The following ITGBL1 variants were observed in gnomAD, a reference collection of about 807,000 sequenced individuals.
The protein encoded by ITGBL1 is integrin beta-like protein 1.
A neutral mutation model predicts 68.5 loss-of-function variants in ITGBL1; 51 were observed. That is an observed-to-expected ratio of 0.74 (90% CI 0.59 to 0.94). The LOEUF (loss-of-function observed/expected upper bound fraction) is 0.94. Among genes scored for constraint, ITGBL1 ranks in the 40% least tolerant of loss-of-function variants. The probability of loss-of-function intolerance (pLI) is 0.00; values close to 1 mark genes in which losing one functional copy is unlikely to be tolerated. For synonymous variants in ITGBL1, 209 were observed against 227.3 expected (o/e 0.92, Z 0.72); for missense variants, 649 against 647.4 (o/e 1.00, Z -0.03).
chr13:101,695,663 A>G (rs1238847145), intron 8 of ITGBL1, among the ~76,000 whole-genome samples: 2 of 152,144 alleles, frequency 1.3e-5, no homozygotes, highest in South Asian at 2.1e-4. Flanking sequence ...GTAAAGGTGG[A>G]GGATCTTGAA....
At chr13:101,507,004 G>A (rs913845403) in intron 2 of ITGBL1, among the ~76,000 whole-genome samples, 3 of 152,144 alleles carry the variant, frequency 2.0e-5, no homozygotes, top group African/African-American at 4.8e-5. Context: ...AACTGCTGGG[G>A]TGGAGGAAGA....
intron 2 of ITGBL1, among the ~76,000 whole-genome samples, chr13:101,525,376 A>G (rs553657010): frequency 1.3e-5 from 2 of 152,088 alleles, no homozygotes; most frequent in African/African-American, 2.4e-5. Flanking sequence ...TTTATTATGG[A>G]AAAATAAGAG....
intron 6 of ITGBL1, among the ~76,000 whole-genome samples, chr13:101,594,182 T>C (rs1454073521): frequency 6.6e-6 from 1 of 152,132 alleles, no homozygotes; most frequent in Non-Finnish European, 1.5e-5. Flanking sequence ...TTTCAAATTA[T>C]ATTACAAAAC....
intron 2 of ITGBL1, among the ~76,000 whole-genome samples, chr13:101,539,816 T>C (rs2049656153): frequency 6.6e-6 from 1 of 152,128 alleles, no homozygotes; most frequent in Non-Finnish European, 1.5e-5. Flanking sequence ...TGATGAGCAT[T>C]TTTTCATGTG....
chr13:101,640,497 C>T (rs1441443942), intron 7 of ITGBL1, among the ~76,000 whole-genome samples: 1 of 152,106 alleles, frequency 6.6e-6, no homozygotes, highest in East Asian at 1.9e-4. Context: ...TGAAATCTCA[C>T]CGTATATTTT....
intron 2 of ITGBL1, among the ~76,000 whole-genome samples, chr13:101,480,665 A>G (rs535804959): frequency 6.6e-6 from 1 of 152,188 alleles, no homozygotes; most frequent in Non-Finnish European, 1.5e-5. Context: ...ATGTACCCAT[A>G]AAAAGTAAGA....
intron 7 of ITGBL1, among the ~76,000 whole-genome samples, chr13:101,653,347 T>C (rs2139458568): frequency 6.6e-6 from 1 of 152,244 alleles, no homozygotes; most frequent in Admixed American, 6.5e-5. Flanking sequence ...AGGTGAATAT[T>C]GGGATATCAC....
At position 101,715,726 on chromosome 13, in the gene ITGBL1, T is replaced by C; in HGVS notation, c.*72T>C. On this transcript the variant is annotated 3_prime_UTR_variant, in exon 11 of 11. Coordinates refer to ENST00000376180, the MANE Select transcript of ITGBL1 (RefSeq NM_004791.3). ...GAACAGATAAATGCGAAGGAAACCA[T>C]GTATATTCACCACTAGGACAGGTTA... is the stretch of plus-strand genomic sequence containing the variant. 1.0e-6 allele frequency: 1 copy of C among 964,478 alleles called. No homozygotes were observed. The highest frequency in any genetic ancestry group is 1.3e-5 in the South Asian group (1 of 77,402). The allele number at this position is 964,478 out of a possible 1,614,324, so 59.7% of individuals were successfully genotyped here.
At chr13:101,581,820 A>C (rs1228102654) in intron 5 of ITGBL1, among the ~76,000 whole-genome samples, 2 of 152,212 alleles carry the variant, frequency 1.3e-5, no homozygotes, top group African/African-American at 4.8e-5. Flanking sequence ...GAATAATAAC[A>C]CAGATATAAA....
chr13:101,718,879 C>T (rs936332771), downstream of ITGBL1: 4 of 151,922 alleles, frequency 2.6e-5, no homozygotes, highest in Non-Finnish European at 5.9e-5. Flanking sequence ...GTCAACAGGC[C>T]CTATGTCACA....
intron 2 of ITGBL1, among the ~76,000 whole-genome samples, chr13:101,562,814 C>A (rs930491188): frequency 2.4e-4 from 37 of 151,796 alleles, no homozygotes; most frequent in African/African-American, 8.7e-4. Context: ...CCAGCTTGAC[C>A]AAATTGACAT....
chr13:101,684,521 G>A (rs1338427203), intron 7 of ITGBL1, among the ~76,000 whole-genome samples: 1 of 151,872 alleles, frequency 6.6e-6, no homozygotes, highest in African/African-American at 2.4e-5. Context: ...ATTTGTCTAT[G>A]CTGCATATAC....
At chr13:101,469,630 C>T (rs911079835) in intron 2 of ITGBL1, among the ~76,000 whole-genome samples, 42 of 152,060 alleles carry the variant, frequency 2.8e-4, no homozygotes, top group African/African-American at 9.4e-4. Context: ...TTGCAGTGAG[C>T]TGAGATCACA....
intron 2 of ITGBL1, among the ~76,000 whole-genome samples, chr13:101,547,759 A>G (rs1025855193): frequency 4.0e-5 from 6 of 151,772 alleles, no homozygotes; most frequent in African/African-American, 1.4e-4. Context: ...ATAGATCTGC[A>G]TTTACCCGGA....
chr13:101,492,528 A>G (rs1311029681), intron 2 of ITGBL1, among the ~76,000 whole-genome samples: 4 of 152,184 alleles, frequency 2.6e-5, no homozygotes, highest in African/African-American at 9.7e-5. Context: ...CAGCTTCTGT[A>G]CAGCTGGAAC....
At chr13:101,707,491 C>T (rs933667171) in intron 9 of ITGBL1, among the ~76,000 whole-genome samples, 1 of 152,102 alleles carries the variant, frequency 6.6e-6, no homozygotes, top group African/African-American at 2.4e-5. Flanking sequence ...ATTTTCTTTG[C>T]CCTAAAAATC....
At chr13:101,666,713 T>C (rs2033227720) in intron 7 of ITGBL1, among the ~76,000 whole-genome samples, 1 of 152,162 alleles carries the variant, frequency 6.6e-6, no homozygotes, top group Non-Finnish European at 1.5e-5. Context: ...AAAATAGGCA[T>C]TTTAAACAGT....
intron 2 of ITGBL1, among the ~76,000 whole-genome samples, chr13:101,508,037 C>T (rs2049054065): frequency 6.6e-6 from 1 of 152,184 alleles, no homozygotes; most frequent in Non-Finnish European, 1.5e-5. Context: ...AAAGTCAACT[C>T]TGATGAGACG....
At chr13:101,630,307 C>G (rs945137382) in intron 7 of ITGBL1, among the ~76,000 whole-genome samples, 2 of 151,964 alleles carry the variant, frequency 1.3e-5, no homozygotes, top group Admixed American at 6.6e-5. Flanking sequence ...AAATAAATGA[C>G]AAATCATTCA....
Sources: gnomAD v4.1 joint callset for allele counts (sites outside exome capture counted in the v4.1 genomes callset) on GRCh38, gnomAD v4.1.1 for gene constraint, MANE v1.5 for transcripts, NCBI Gene and HGNC (gene_info 2026-07-23, HGNC 2026-07-21) for gene names.